The following ZCWPW2 variants were observed in gnomAD, a reference collection of about 807,000 sequenced individuals.
ZCWPW2 encodes the protein zinc finger CW-type PWWP domain protein 2.
In ZCWPW2, 45 loss-of-function variants were observed where a neutral mutation model predicts 46.6. The ratio of observed to expected loss-of-function variants is 0.96; its 90% CI spans 0.76 to 1.24. The LOEUF is 1.24. Among genes scored for constraint, ZCWPW2 ranks in the 50% most tolerant of loss-of-function variants. ZCWPW2 has a pLI of 0.00. For synonymous variants in ZCWPW2, 152 were observed against 137.1 expected (o/e 1.11, Z -0.76); for missense variants, 429 against 403.9 (o/e 1.06, Z -0.53).
chr3:28,492,198 A>C (rs1167387152), intron 6 of ZCWPW2, 25 bp downstream of exon 6: 1 of 1,571,070 alleles, frequency 6.4e-7, no homozygotes, highest in Non-Finnish European at 8.6e-7. Context: ...TATTATATAA[A>C]ATATACAAAC....
chr3:28,521,153 C>T, intron 9 of ZCWPW2, 37 bp downstream of exon 9: 2 of 1,561,414 alleles, frequency 1.3e-6, no homozygotes, highest in South Asian at 1.2e-5. Context: ...TAAATAACAA[C>T]TTCAAATTCT....
intron 3 of ZCWPW2, among the ~76,000 whole-genome samples, chr3:28,423,385 T>C (rs1230773463): frequency 6.8e-6 from 1 of 146,834 alleles, no homozygotes; most frequent in Admixed American, 6.8e-5. Flanking sequence ...TTTTTTTTTT[T>C]AGACAGAGTC....
Position 28,492,142 on chromosome 3 carries a change from A to T in ZCWPW2, c.626A>T (p.His209Leu). ...TGTCTTACAGATAAATCCGAAACAC[A>T]TGACAAAGTTGCTGCACTGGTCAAG... The part of the protein sequence containing the change: ...LSKLQDKSET[H>L]DKVAALVKKR... Residue 209 changes from histidine (H) to leucine (L), a missense_variant, in exon 6 of 10, where the codon CAT (histidine) becomes CTT (leucine). His to Leu is a moderately conservative substitution (Grantham distance 99). Transcript: ENST00000383768. The T allele has an allele frequency of 6.2e-7, 1 of 1,610,022 alleles. No homozygotes were observed. The highest frequency in any genetic ancestry group is 1.1e-5 in the South Asian group (1 of 90,236).
At position 28,403,746 on chromosome 3, in the gene ZCWPW2, T is replaced by G. The variant is rs573486317; in HGVS notation, c.-13-9310T>G. ...AGAACTCAGAAATAAACCCAAATAC[T>G]TACAGCCAACTGATCTTTGACAAAG... On this transcript the variant is annotated intron_variant, in intron 2 of 9. Transcript: ENST00000383768. Among the ~76,000 whole-genome samples the G allele has an allele frequency of 2.0e-5, 3 of 152,030 alleles. No individual in the cohort carries two copies. In the East Asian group the frequency reaches 5.8e-4, roughly 29 times the overall value.
intron 1 of ZCWPW2, among the ~76,000 whole-genome samples, chr3:28,371,620 C>T (rs1346110920): frequency 6.6e-6 from 1 of 152,092 alleles, no homozygotes; most frequent in Non-Finnish European, 1.5e-5. Context: ...GATTGTGCCA[C>T]TGCAGTCTAG....
chr3:28,433,473 A>G (rs1697352231), intron 3 of ZCWPW2, among the ~76,000 whole-genome samples: 1 of 152,332 alleles, frequency 6.6e-6, no homozygotes. Context: ...TTTCATTTAA[A>G]TAAAGAAAAC....
At chr3:28,406,322 A>G (rs1317706736) in intron 2 of ZCWPW2, among the ~76,000 whole-genome samples, 4 of 152,210 alleles carry the variant, frequency 2.6e-5, no homozygotes. Flanking sequence ...ACAGAAGCCA[A>G]TATCTATTAT....
chr3:28,365,496 G>T (rs1165541731), intron 1 of ZCWPW2, among the ~76,000 whole-genome samples: 1 of 140,532 alleles, frequency 7.1e-6, no homozygotes. Flanking sequence ...GTTCTGTTCC[G>T]TTAGTCTATA....
chr3:28,506,074 A>AAATATATATATTATATATATAATATAT (rs1364501291), intron 6 of ZCWPW2, among the ~76,000 whole-genome samples: 1 of 147,420 alleles, frequency 6.8e-6, no homozygotes, highest in Non-Finnish European at 1.5e-5. Flanking sequence ...AATTATCATT[A>AAATATATATATTATATATATAATATAT]AATATATATA....
intron 4 of ZCWPW2, chr3:28,478,265 A>G (rs992073375): frequency 1.1e-5 from 3 of 280,806 alleles, no homozygotes; most frequent in Non-Finnish European, 2.2e-5. Context: ...ATTTTTTGAG[A>G]CAGAGTCTTA....
chr3:28,431,481 C>G (rs1697257060), intron 3 of ZCWPW2, among the ~76,000 whole-genome samples: 2 of 152,040 alleles, frequency 1.3e-5, no homozygotes, highest in South Asian at 4.1e-4. Context: ...CTGTGCATGT[C>G]TGTCTTCATT....
rs577777097 is a variant in ZCWPW2, at chr3:28,385,783, ATT to A, written c.-133-4713_-133-4712del. Among the ~76,000 whole-genome samples the A allele has an allele frequency of 1.1e-4, 16 of 152,120 alleles. No homozygotes were observed. In the South Asian group the frequency reaches 3.3e-3, roughly 32 times the overall value. On this transcript the variant is annotated intron_variant, in intron 1 of 9. Transcript: ENST00000383768. ...TAATTGATTCTTACTCTTATTACCT[ATT>A]TGGCCATGGTGAATTTTTTCTCTTA...
chr3:28,391,398 CAA>C (rs554454776), intron 2 of ZCWPW2, among the ~76,000 whole-genome samples: 286 of 149,084 alleles, frequency 1.9e-3, no homozygotes, highest in African/African-American at 6.5e-3. Flanking sequence ...CACACACACA[CAA>C]AGCCAATGAG....
rs746538315 is a variant in ZCWPW2, at chr3:28,348,905, G to T, written c.-432G>T. 172 of 973,806 alleles carry T rather than the reference G, an allele frequency of 1.8e-4. No individual in the cohort carries two copies. Among genetic ancestry groups the T allele is most frequent in the Non-Finnish European group, 2.1e-4 (168 of 819,406 alleles). The allele number at this position is 973,806 out of a possible 1,614,324, so 60.3% of individuals were successfully genotyped here. ...CAATACGCGCGCGAGACCCAGGCCCGCCGTCGGGACCAGCACGGGCCGGAG... is the reference window on the plus strand; with the variant it reads ...CAATACGCGCGCGAGACCCAGGCCCTCCGTCGGGACCAGCACGGGCCGGAG... On this transcript the variant is annotated 5_prime_UTR_variant, in exon 1 of 10. Transcript: ENST00000383768.
intron 1 of ZCWPW2, among the ~76,000 whole-genome samples, chr3:28,357,775 TATA>T (rs1441025173): frequency 2.0e-5 from 3 of 147,818 alleles, no homozygotes; most frequent in Non-Finnish European, 4.5e-5. Flanking sequence ...TATATATACA[TATA>T]ATATATAGTT....
intron 4 of ZCWPW2, among the ~76,000 whole-genome samples, chr3:28,458,866 A>G (rs1698521848): frequency 6.6e-6 from 1 of 152,156 alleles, no homozygotes; most frequent in Non-Finnish European, 1.5e-5. Context: ...CTTGCCATGG[A>G]TTTGAAGGCT....
chr3:28,446,427 T>A (rs1697994350), intron 4 of ZCWPW2, among the ~76,000 whole-genome samples: 2 of 151,204 alleles, frequency 1.3e-5, no homozygotes, highest in Admixed American at 6.6e-5. Context: ...AAAGAAAAAA[T>A]TGTAAGGGAA....
At position 28,413,192 on chromosome 3, in the gene ZCWPW2, A is replaced by G; in HGVS notation, c.124A>G (p.Arg42Gly). The change falls in exon 3 of 10, where the codon AGA becomes GGA. Residue 42 changes from arginine to glycine, a missense_variant. By Grantham distance (125) the Arg-to-Gly change is moderately radical. Transcript: ENST00000383768. Reference protein sequence around the residue: ...QCENENCLKWRLLSSEDSAKV... With the variant: ...QCENENCLKWGLLSSEDSAKV... ...TGAGAATGAAAATTGTTTGAAATGG[A>G]GATTGTTATCAAGTGAGGATTCAGC... The G allele has an allele frequency of 6.2e-7, 1 of 1,613,420 alleles. No individual in the cohort carries two copies. Among genetic ancestry groups the G allele is most frequent in the Non-Finnish European group, 8.5e-7 (1 of 1,179,564 alleles).
rs745572155 is a variant in ZCWPW2 at position 28,360,522 on chromosome 3, GA to G, written c.-134+11335del. Among the ~76,000 whole-genome samples, 396 of 122,868 alleles carry G rather than the reference GA, an allele frequency of 3.2e-3. 1 individual carries two copies. The highest frequency in any genetic ancestry group is 4.5e-3 in the Middle Eastern group (1 of 222). 80.6% of individuals were successfully genotyped at this position (122,868 alleles called of 152,430 possible). A position where few individuals can be genotyped will look rare whatever the true frequency, so the allele number is the denominator to read the frequency against. On this transcript the variant is annotated intron_variant, in intron 1 of 9. Coordinates refer to ENST00000383768, the MANE Select transcript of ZCWPW2 (RefSeq NM_001040432.4). ...TGGGTGACAGAGCAAGACTTTGTCT[GA>G]AAAAAAAAAAAAAAATTCTGTTTGT...
Sources: allele counts gnomAD v4.1 joint callset (sites outside exome capture counted in the v4.1 genomes callset), GRCh38; gene constraint gnomAD v4.1.1; transcripts MANE v1.5; gene names NCBI Gene and HGNC (gene_info 2026-07-23, HGNC 2026-07-21).